The following DISC1 variants were observed in gnomAD, a reference collection of about 807,000 sequenced individuals.
DISC1 encodes disrupted in schizophrenia 1 protein.
In DISC1, 57 loss-of-function variants were observed where a neutral mutation model predicts 84.5. The observed-to-expected ratio is 0.67, with a 90% CI of 0.55 to 0.84. The LOEUF is 0.84. Among genes scored for constraint, DISC1 ranks in the 40% least tolerant of loss-of-function variants. DISC1 has a pLI of 0.00. For missense variants in DISC1, 1,000 were observed against 1,057.8 expected, an observed-to-expected ratio of 0.95 and a Z score of 0.76; for synonymous variants, 411 against 415.2, an observed-to-expected ratio of 0.99 and a Z score of 0.12.
chr1:231,823,406 G>A (rs1175035648), intron 9 of DISC1, among the ~76,000 whole-genome samples: 1 of 152,156 alleles, frequency 6.6e-6, no homozygotes, highest in Non-Finnish European at 1.5e-5. Context: ...CCAATGTCAA[G>A]TGTTAATTAT....
intron 10 of DISC1, among the ~76,000 whole-genome samples, chr1:231,978,260 G>A (rs1019287736): frequency 6.6e-5 from 10 of 152,106 alleles, no homozygotes; most frequent in Admixed American, 3.9e-4. Flanking sequence ...GCTGAGTTGA[G>A]GTGTTGAGCA....
intron 9 of DISC1, among the ~76,000 whole-genome samples, chr1:231,831,985 C>G (rs2082265881): frequency 6.6e-6 from 1 of 151,056 alleles, no homozygotes; most frequent in Admixed American, 6.6e-5. Context: ...GGGTGAGGAA[C>G]AGGAAAGAAG....
intron 3 of DISC1, among the ~76,000 whole-genome samples, chr1:231,734,827 C>T (rs997472772): frequency 2.6e-5 from 4 of 152,134 alleles, no homozygotes; most frequent in African/African-American, 4.8e-5. Context: ...CATATCACAA[C>T]AAAATGATTT....
intron 5 of DISC1, among the ~76,000 whole-genome samples, chr1:231,768,013 G>A (rs532761594): frequency 7.9e-5 from 12 of 152,268 alleles, no homozygotes; most frequent in Admixed American, 2.6e-4. Flanking sequence ...ATGATTAGCC[G>A]GCTGCTTGGA....
At chr1:231,750,126 C>T (rs754387274) in intron 4 of DISC1, 50 bp downstream of exon 4, 3 of 1,589,052 alleles carry the variant, frequency 1.9e-6, no homozygotes, top group Non-Finnish European at 2.6e-6. Flanking sequence ...CTTCCTACCT[C>T]TCAGCTCCCA....
rs201258158 is a variant in DISC1, at chr1:231,694,574, G to A, written c.816G>A (p.Arg272=). The A allele has an allele frequency of 3.5e-5, 56 of 1,614,126 alleles. No individual in the cohort carries two copies. Among genetic ancestry groups the A allele is most frequent in the Non-Finnish European group, 4.2e-5 (50 of 1,180,056 alleles). The change falls in exon 2 of 13, where the codon CGG becomes CGA. Residue 272 remains arginine, a synonymous_variant. Transcript: ENST00000439617. ...LSRPFSLLAT[R]VSADLAQAAR... is the part of the protein sequence containing the mutation. ...GGCCCTTCAGTCTCTTGGCTACACG[G>A]GTCTCTGCAGACTTGGCCCAGGCCG...
At chr1:231,859,150 C>CA (rs1193923206) in intron 9 of DISC1, among the ~76,000 whole-genome samples, 2 of 151,902 alleles carry the variant, frequency 1.3e-5, no homozygotes, top group Non-Finnish European at 1.5e-5. Context: ...ATCCCCCCAC[C>CA]AAAAAAAAGT....
intron 12 of DISC1, among the ~76,000 whole-genome samples, chr1:232,032,538 G>A (rs1670149365): frequency 6.6e-6 from 1 of 152,128 alleles, no homozygotes; most frequent in Admixed American, 6.5e-5. Flanking sequence ...GGTTCCAAAG[G>A]TGTTTTAAAG....
chr1:231,851,578 T>TG (rs2083900126), intron 9 of DISC1, among the ~76,000 whole-genome samples: 3 of 152,080 alleles, frequency 2.0e-5, no homozygotes, highest in African/African-American at 7.2e-5. Flanking sequence ...AAAGAAGACT[T>TG]GGGGCTCCCC....
At chr1:231,941,112 G>A (rs2126131570) in intron 9 of DISC1, 1 of 152,318 alleles carries the variant, frequency 6.6e-6, no homozygotes, top group South Asian at 2.1e-4. Context: ...GAGTTCTTGG[G>A]TTAGGATTTG....
Position 231,675,940 on chromosome 1 carries a change from C to T in DISC1, c.68-17886C>T, listed in dbSNP as rs2125503618. Among the ~76,000 whole-genome samples the T allele has an allele frequency of 6.6e-6, 1 of 152,024 alleles. No homozygotes were observed. Among genetic ancestry groups the T allele is most frequent in the Non-Finnish European group, 1.5e-5 (1 of 67,966 alleles). ...CTCGGGTCACTGCAACCTCCGCCTC[C>T]CGGGTTCAAGCAATTCTCCTGCCTC... On this transcript the variant is annotated intron_variant, in intron 1 of 12. Transcript: ENST00000439617. This position sits in a 1 kb window ranked among gnomAD's most constrained non-coding sequence, Gnocchi z 4.1.
chr1:231,884,641 A>T (rs560432040), intron 9 of DISC1, among the ~76,000 whole-genome samples: 2 of 152,216 alleles, frequency 1.3e-5, no homozygotes, highest in East Asian at 3.9e-4. Flanking sequence ...CCTACTTGAG[A>T]TTGGAGGGTG....
chr1:231,882,509 G>A (rs6695678), intron 9 of DISC1, among the ~76,000 whole-genome samples: 3,182 of 152,234 alleles, frequency 0.021, 121 homozygotes, highest in African/African-American at 0.071. Flanking sequence ...TGGTCTCTTT[G>A]TCTCACTTCT....
At chr1:232,020,157 C>G (rs911197393) in intron 11 of DISC1, among the ~76,000 whole-genome samples, 1 of 152,028 alleles carries the variant, frequency 6.6e-6, no homozygotes, top group African/African-American at 2.4e-5. Context: ...GCCTGACCAA[C>G]ATGGAGAAAC....
At chr1:231,653,550 G>A (rs2060814698) in intron 1 of DISC1, among the ~76,000 whole-genome samples, 1 of 152,206 alleles carries the variant, frequency 6.6e-6, no homozygotes, top group African/African-American at 2.4e-5. Context: ...AAACTGCAAG[G>A]GAGGCTGGGA....
chr1:231,627,919 T>C (rs1342933270), intron 1 of DISC1, among the ~76,000 whole-genome samples: 1 of 152,204 alleles, frequency 6.6e-6, no homozygotes, highest in Non-Finnish European at 1.5e-5. Flanking sequence ...GGAGACAGTC[T>C]GCCTGCATGT....
chr1:231,875,845 A>G (rs999708), intron 9 of DISC1, among the ~76,000 whole-genome samples: 75,894 of 151,946 alleles, frequency 0.5, 19,124 homozygotes, highest in African/African-American at 0.53. Flanking sequence ...AATTGGGGCC[A>G]CAAATAAAGA....
chr1:231,974,114 T>A (rs1411393153), intron 10 of DISC1, among the ~76,000 whole-genome samples: 1 of 152,058 alleles, frequency 6.6e-6, no homozygotes, highest in Non-Finnish European at 1.5e-5. Flanking sequence ...CAGGGTCAAG[T>A]GAGTCAAAGC....
At chr1:231,879,292 C>T (rs948121799) in intron 9 of DISC1, among the ~76,000 whole-genome samples, 2 of 151,946 alleles carry the variant, frequency 1.3e-5, no homozygotes, top group African/African-American at 4.8e-5. Flanking sequence ...CTTGTTGATT[C>T]TATTTCACCT....
Sources: gnomAD v4.1 joint callset for allele counts (sites outside exome capture counted in the v4.1 genomes callset) on GRCh38, gnomAD v4.1.1 for gene constraint, Gnocchi (gnomAD v3.1) non-coding constraint, MANE v1.5 for transcripts, NCBI Gene and HGNC (gene_info 2026-07-23, HGNC 2026-07-21) for gene names.